Variants in KCNK17 observed in about 807,000 individuals in gnomAD.
KCNK17 encodes potassium two pore domain channel subfamily K member 17.
In KCNK17, 27 loss-of-function variants were observed where a neutral mutation model predicts 24.6. That is an observed-to-expected ratio of 1.10 (90% CI 0.81 to 1.51). The LOEUF (loss-of-function observed/expected upper bound fraction) is 1.51. Among genes scored for constraint, KCNK17 ranks in the 40% most tolerant of loss-of-function variants. KCNK17 has a pLI of 0.00. For missense variants in KCNK17, 450 were observed against 436.6 expected, an observed-to-expected ratio of 1.03 and a Z score of -0.27; for synonymous variants, 181 against 189.8, an observed-to-expected ratio of 0.95 and a Z score of 0.38.
At chr6:39,306,320 A>G (rs931646227) in intron 2 of KCNK17, among the ~76,000 whole-genome samples, 1 of 152,218 alleles carries the variant, frequency 6.6e-6, no homozygotes, top group African/African-American at 2.4e-5. Context: ...CTGGGATTAC[A>G]GGCGTGAGCC....
In KCNK17 at chr6:39,310,936, G is replaced by A. The variant is rs759291342; in HGVS notation, c.309C>T (p.Leu103=). 13 of 1,526,330 alleles carry A rather than the reference G, an allele frequency of 8.5e-6. No homozygotes were observed. Among genetic ancestry groups the A allele is most frequent in the East Asian group, 7.9e-5 (3 of 38,178 alleles). 94.5% of individuals were successfully genotyped at this position (1,526,330 alleles called of 1,614,324 possible). Residue 103 remains leucine, a synonymous_variant, in exon 2 of 5, where the codon CTC becomes CTT. Coordinates refer to ENST00000373231, the MANE Select transcript of KCNK17 (RefSeq NM_031460.4). ...SNTTSMGRWE[L]VGSFFFSVST... Reference sequence around the variant, plus strand: ...ACACAGAAAAGAAGAAGGAGCCCACGAGCTCCCAGCGCCCCATGCTGGTGG... The same window carrying A: ...ACACAGAAAAGAAGAAGGAGCCCACAAGCTCCCAGCGCCCCATGCTGGTGG...
chr6:39,302,127 C>T lies in KCNK17; in HGVS notation c.688+1830G>A, dbSNP rs568445841. Among the ~76,000 whole-genome samples, 22 of 152,300 alleles carry T rather than the reference C, an allele frequency of 1.4e-4. No individual in the cohort carries two copies. In the South Asian group the frequency reaches 1.7e-3, roughly 11 times the overall value. On this transcript the variant is annotated intron_variant, in intron 4 of 4. Transcript: ENST00000373231. ...GGGCTCTTATTGTGGTGACCTGCTA[C>T]GAGGCACTGCCATGACTGCAGAGGG...
chr6:39,301,101 A>G (rs1396400368), intron 4 of KCNK17, among the ~76,000 whole-genome samples: 1 of 152,138 alleles, frequency 6.6e-6, no homozygotes, highest in East Asian at 1.9e-4. Flanking sequence ...TTCACTCACC[A>G]TCGGACACCC....
intron 2 of KCNK17, among the ~76,000 whole-genome samples, chr6:39,309,022 C>T (rs1762084561): frequency 6.6e-6 from 1 of 152,178 alleles, no homozygotes; most frequent in African/African-American, 2.4e-5. Context: ...GCCACCGTGT[C>T]CCCATCTGTG....
Position 39,299,213 on chromosome 6 carries a change from G to A in KCNK17, c.*214C>T, listed in dbSNP as rs9471052. The A allele has an allele frequency of 3.6e-6, 2 of 555,404 alleles. No homozygotes were observed. Among genetic ancestry groups the A allele is most frequent in the Admixed American group, 3.4e-5 (1 of 29,496 alleles). 34.4% of individuals were successfully genotyped at this position (555,404 alleles called of 1,614,324 possible). On this transcript the variant is annotated 3_prime_UTR_variant, in exon 5 of 5. Coordinates refer to ENST00000373231, the MANE Select transcript of KCNK17 (RefSeq NM_031460.4). ...TTGCAGCCCGCTAAAGTAAGGAAGT[G>A]GGGGAGAAGGGCATGCTGCCCCGAC...
At chr6:39,304,288 G>T in intron 3 of KCNK17, 157 bp from the exon 4 acceptor site, 1 of 804,126 alleles carries the variant, frequency 1.2e-6, no homozygotes, top group Non-Finnish European at 2.0e-6. Context: ...TGTGCCTCAT[G>T]TCCTTCCTGT....
In KCNK17 at chr6:39,304,567, C is replaced by T; in HGVS notation, c.441G>A (p.Val147=). 6.2e-7 allele frequency: 1 copy of T among 1,614,152 alleles called. No homozygotes were observed. The highest frequency in any genetic ancestry group is 1.3e-5 in the African/African-American group (1 of 75,064). The change falls in exon 3 of 5, where the codon GTG becomes GTA. Residue 147 remains valine, a synonymous_variant. Transcript: ENST00000373231. The stretch of plus-strand genomic sequence containing the variant: ...GCATGAGATGCCCCAGTCGGTTGAG[C>T]ACCACGAGGTTGAGTGGGATCCCCA... ...ALVGIPLNLV[V]LNRLGHLMQQ...
At chr6:39,309,982 T>C (rs1762105701) in intron 2 of KCNK17, among the ~76,000 whole-genome samples, 1 of 152,168 alleles carries the variant, frequency 6.6e-6, no homozygotes, top group South Asian at 2.1e-4. Context: ...AATTTAAAAC[T>C]AGATGGAGAA....
In KCNK17 at chr6:39,299,640, G is replaced by A; in HGVS notation, c.786C>T (p.Leu262=). ...GMAWLALIIK[L]ILSQLETPGR... is the part of the protein sequence containing the mutation. ...CTGGCGTCTCCAGCTGGGAGAGGAT[G>A]AGTTTGATGATCAAGGCCAGCCATG... The change falls in exon 5 of 5, where the codon CTC becomes CTT. Residue 262 remains leucine, a synonymous_variant. Transcript: ENST00000373231. The A allele has an allele frequency of 6.2e-7, 1 of 1,614,120 alleles. No individual in the cohort carries two copies. Among genetic ancestry groups the A allele is most frequent in the South Asian group, 1.1e-5 (1 of 91,080 alleles).
intron 2 of KCNK17, among the ~76,000 whole-genome samples, chr6:39,307,815 G>A (rs1762061033): frequency 1.3e-5 from 2 of 152,124 alleles, no homozygotes; most frequent in African/African-American, 4.8e-5. Context: ...ATCTGTGATT[G>A]GTCTTCTCTG....
Position 39,314,167 on chromosome 6 carries a change from T to G in KCNK17, c.154A>C (p.Ser52Arg). ...TLEGRAAQDS[S>R]RSFQRDKWEL... ...CACTTGTCGCGCTGGAAGCTGCGGC[T>G]GGAGTCCTGCGCCGCGCGGCCCTCC... is the stretch of plus-strand genomic sequence containing the variant. The change falls in exon 1 of 5, where the codon AGC (serine) becomes CGC (arginine). Residue 52 changes from serine (S) to arginine (R), a missense_variant. By Grantham distance (110) the Ser-to-Arg change is moderately radical (BLOSUM62 -1). Coordinates refer to ENST00000373231, the MANE Select transcript of KCNK17 (RefSeq NM_031460.4). 6.4e-7 allele frequency: 1 copy of G among 1,568,594 alleles called. No homozygotes were observed. Among genetic ancestry groups the G allele is most frequent in the Non-Finnish European group, 8.6e-7 (1 of 1,160,890 alleles).
intron 4 of KCNK17, among the ~76,000 whole-genome samples, chr6:39,302,243 C>T (rs1562080600): frequency 6.6e-6 from 1 of 152,116 alleles, no homozygotes; most frequent in Non-Finnish European, 1.5e-5. Flanking sequence ...CTTGCCCATC[C>T]TTGCCCCAGG....
At position 39,311,021 on chromosome 6, in the gene KCNK17, T is replaced by C; in HGVS notation, c.238-14A>G. On this transcript the variant is annotated splice_polypyrimidine_tract_variant and intron_variant, in intron 1 of 4. Coordinates refer to ENST00000373231, the MANE Select transcript of KCNK17 (RefSeq NM_031460.4). ...TTGGACGACATCCTGGGGAAGAGGC[T>C]GCAATGACCACCAGGCTCTGTGGGG... 1 of 1,554,114 alleles carries C rather than the reference T, an allele frequency of 6.4e-7. No individual in the cohort carries two copies. Among genetic ancestry groups the C allele is most frequent in the Non-Finnish European group, 8.8e-7 (1 of 1,132,396 alleles).
At position 39,303,758 on chromosome 6, in the gene KCNK17, T is replaced by G. The variant is rs115615601; in HGVS notation, c.688+199A>C. Among the ~76,000 whole-genome samples the G allele has an allele frequency of 7.8e-3, 1,190 of 152,226 alleles. 21 individuals are homozygous for G. The highest frequency in any genetic ancestry group is 0.027 in the African/African-American group (1,123 of 41,550). On this transcript the variant is annotated intron_variant, in intron 4 of 4. Transcript: ENST00000373231. Reference sequence around the variant, plus strand: ...GGTGGGCCCGCGGACGTGTTGGACCTCTCCGCGTTGGTCAAGAAGGGCCAG... The same window carrying G: ...GGTGGGCCCGCGGACGTGTTGGACCGCTCCGCGTTGGTCAAGAAGGGCCAG...
chr6:39,300,928 A>G (rs1761942449), intron 4 of KCNK17, among the ~76,000 whole-genome samples: 1 of 152,100 alleles, frequency 6.6e-6, no homozygotes, highest in Non-Finnish European at 1.5e-5. Flanking sequence ...TTCATGGCCT[A>G]TGTGTGTCTG....
chr6:39,304,183 G>A lies in KCNK17; in HGVS notation c.514-52C>T, dbSNP rs544792983. On this transcript the variant is annotated intron_variant, in intron 3 of 4. Coordinates refer to ENST00000373231, the MANE Select transcript of KCNK17 (RefSeq NM_031460.4). Reference sequence around the variant, plus strand: ...CTCCTGAGGCCTTCACCCCATGCGTGGGAGCCGAGGGAGCTGGAGGCAGGC... The same window carrying A: ...CTCCTGAGGCCTTCACCCCATGCGTAGGAGCCGAGGGAGCTGGAGGCAGGC... 9.7e-6 allele frequency: 15 copies of A among 1,539,046 alleles called. No homozygotes were observed. The East Asian group carries it at 3.3e-4, about 33-fold the overall frequency.
intron 4 of KCNK17, chr6:39,300,578 C>G: frequency 1.3e-6 from 2 of 1,523,136 alleles, no homozygotes; most frequent in South Asian, 2.4e-5. Flanking sequence ...TGTATCCTGA[C>G]TCGGTTCTTC....
chr6:39,303,747 C>T (rs551233292), intron 4 of KCNK17, among the ~76,000 whole-genome samples: 85 of 152,284 alleles, frequency 5.6e-4, no homozygotes, highest in African/African-American at 1.9e-3. Flanking sequence ...GGCCCGCGGA[C>T]GTGTTGGACC....
chr6:39,310,854 T>TA, intron 2 of KCNK17, 39 bp downstream of exon 2: 3 of 1,084,948 alleles, frequency 2.8e-6, no homozygotes, highest in South Asian at 1.5e-5. Context: ...GCTGCCTCCT[T>TA]CCCCCACCCC....
Sources: gnomAD v4.1 joint callset for allele counts (sites outside exome capture counted in the v4.1 genomes callset) on GRCh38, gnomAD v4.1.1 for gene constraint, MANE v1.5 for transcripts, NCBI Gene and HGNC (gene_info 2026-07-23, HGNC 2026-07-21) for gene names.